The following MINDY3 variants were observed in gnomAD, a reference collection of about 807,000 sequenced individuals.
MINDY3 encodes MINDY lysine 48 deubiquitinase 3.
MINDY3 carries 38 observed loss-of-function variants against 69.2 expected under a neutral mutation model. The ratio of observed to expected loss-of-function variants is 0.55; its 90% CI spans 0.42 to 0.72. The LOEUF is 0.72. MINDY3 is among the 30% of genes least tolerant of loss of function. The probability of loss-of-function intolerance (pLI) is 0.00; values close to 1 mark genes in which losing one functional copy is unlikely to be tolerated. For missense variants in MINDY3, 522 were observed against 519.0 expected (o/e 1.01, Z -0.06); for synonymous variants, 192 against 180.1 (o/e 1.07, Z -0.53).
chr10:15,845,615 T>C (rs1488996790), intron 2 of MINDY3, among the ~76,000 whole-genome samples: 3 of 151,702 alleles, frequency 2.0e-5, no homozygotes, highest in African/African-American at 7.3e-5. Context: ...CCTCCCCTTC[T>C]AGCCTCCCGA....
chr10:15,857,901 T>C (rs976498034), intron 1 of MINDY3: 1 of 965,616 alleles, frequency 1.0e-6, no homozygotes, highest in Non-Finnish European at 1.2e-6. Context: ...CCAAACATCT[T>C]ACATCTGTAT....
intron 10 of MINDY3, among the ~76,000 whole-genome samples, chr10:15,814,428 G>T (rs1420985205): frequency 6.6e-6 from 1 of 151,640 alleles, no homozygotes; most frequent in Admixed American, 6.6e-5. Flanking sequence ...CGGGAAATTT[G>T]TACAAAAGTT....
rs776808497 is a variant in MINDY3 at position 15,796,090 on chromosome 10, A to G, written c.955+10T>C. ...ACATAAAACACAGAGATGATGTTAAAATCTTTTACCTTCTGGGTCGTAGGT... is the reference window on the plus strand; with the variant it reads ...ACATAAAACACAGAGATGATGTTAAGATCTTTTACCTTCTGGGTCGTAGGT... On this transcript the variant is annotated intron_variant, in intron 11 of 14. Coordinates refer to ENST00000277632, the MANE Select transcript of MINDY3 (RefSeq NM_024948.4). 1 of 1,607,540 alleles carries G rather than the reference A, an allele frequency of 6.2e-7. No homozygotes were observed. The highest frequency in any genetic ancestry group is 8.5e-7 in the Non-Finnish European group (1 of 1,174,526).
chr10:15,783,630 T>C (rs1836724521), intron 13 of MINDY3, among the ~76,000 whole-genome samples: 1 of 152,194 alleles, frequency 6.6e-6, no homozygotes. Flanking sequence ...AATCATATAG[T>C]ACTACTTTGT....
chr10:15,792,457 A>C (rs768079988), intron 11 of MINDY3, among the ~76,000 whole-genome samples: 1 of 152,098 alleles, frequency 6.6e-6, no homozygotes, highest in Non-Finnish European at 1.5e-5. Context: ...CTATACAGAA[A>C]ACTGTTAGCT....
intron 2 of MINDY3, among the ~76,000 whole-genome samples, chr10:15,844,124 G>T (rs2058616333): frequency 6.6e-6 from 1 of 152,132 alleles, no homozygotes; most frequent in African/African-American, 2.4e-5. Context: ...AACTTTAAAA[G>T]TTTGCAGCGA....
intron 10 of MINDY3, among the ~76,000 whole-genome samples, chr10:15,796,490 A>C (rs1201614467): frequency 1.3e-5 from 2 of 151,660 alleles, no homozygotes. Flanking sequence ...AAAAAAAACA[A>C]AAAACAAAAC....
intron 13 of MINDY3, among the ~76,000 whole-genome samples, chr10:15,784,559 A>G (rs536025603): frequency 6.6e-6 from 1 of 152,278 alleles, no homozygotes; most frequent in South Asian, 2.1e-4. Flanking sequence ...AGCCTGACCA[A>G]CAAGGTGAAA....
At chr10:15,836,319 A>G (rs934502750) in intron 6 of MINDY3, among the ~76,000 whole-genome samples, 1 of 152,000 alleles carries the variant, frequency 6.6e-6, no homozygotes, top group Non-Finnish European at 1.5e-5. Flanking sequence ...GGTCCCTACT[A>G]GAAACAGTAT....
At chr10:15,860,100 G>A (rs2132170880) in intron 1 of MINDY3, 106 bp downstream of exon 1, 1 of 815,204 alleles carries the variant, frequency 1.2e-6, no homozygotes, top group Non-Finnish European at 2.0e-6. Flanking sequence ...CGGCGACTGG[G>A]GCAGAGAGCG....
chr10:15,833,558 G>A (rs1391546014), intron 8 of MINDY3, 72 bp downstream of exon 8: 11 of 989,798 alleles, frequency 1.1e-5, no homozygotes, highest in African/African-American at 6.5e-5. Context: ...TTAAATAGAC[G>A]AATAATAATC....
intron 9 of MINDY3, among the ~76,000 whole-genome samples, chr10:15,819,776 C>A (rs570771361): frequency 3.0e-4 from 46 of 152,290 alleles, no homozygotes; most frequent in Non-Finnish European, 6.6e-4. Flanking sequence ...TTAGCAGAAG[C>A]CTTAAATCTC....
chr10:15,826,820 A>T (rs1840113651), intron 8 of MINDY3, among the ~76,000 whole-genome samples: 1 of 152,218 alleles, frequency 6.6e-6, no homozygotes, highest in African/African-American at 2.4e-5. Context: ...TTAGGACATT[A>T]GATAATTCTT....
At chr10:15,860,072 C>T in intron 1 of MINDY3, 134 bp downstream of exon 1, 1 of 685,180 alleles carries the variant, frequency 1.5e-6, no homozygotes, top group Non-Finnish European at 2.5e-6. Flanking sequence ...CTAGAAAGTC[C>T]AGCTTCAGCG....
chr10:15,812,756 T>A (rs906792328), intron 10 of MINDY3, among the ~76,000 whole-genome samples: 2 of 152,180 alleles, frequency 1.3e-5, no homozygotes, highest in African/African-American at 4.8e-5. Flanking sequence ...GTGCATACAG[T>A]GAACAAATTG....
chr10:15,789,021 TA>T, intron 12 of MINDY3: 1 of 380,614 alleles, frequency 2.6e-6, no homozygotes, highest in Non-Finnish European at 4.8e-6. Flanking sequence ...TAGCATTTTT[TA>T]AAAAGCAGGA....
chr10:15,782,253 C>T, intron 13 of MINDY3, 27 bp from the exon 14 acceptor site: 1 of 1,445,150 alleles, frequency 6.9e-7, no homozygotes, highest in Non-Finnish European at 9.6e-7. Flanking sequence ...ACTATTAACA[C>T]TTTAAATTAT....
At chr10:15,811,629 T>G in intron 10 of MINDY3, among the ~76,000 whole-genome samples, 1 of 152,174 alleles carries the variant, frequency 6.6e-6, no homozygotes, top group African/African-American at 2.4e-5. Context: ...AACTCAAAAC[T>G]GCTACTATTT....
At chr10:15,781,869 C>T (rs555580971) in intron 14 of MINDY3, among the ~76,000 whole-genome samples, 8 of 152,252 alleles carry the variant, frequency 5.3e-5, no homozygotes, top group South Asian at 4.1e-4. Context: ...GGACTAACTA[C>T]GATGTTGATT....
Sources: allele counts gnomAD v4.1 joint callset (sites outside exome capture counted in the v4.1 genomes callset), GRCh38; gene constraint gnomAD v4.1.1; transcripts MANE v1.5; gene names NCBI Gene and HGNC (gene_info 2026-07-23, HGNC 2026-07-21).